Variants in STXBP4 observed in about 807,000 individuals in gnomAD.
The protein encoded by STXBP4 is syntaxin-binding protein 4.
In STXBP4, 55 loss-of-function variants were observed where a neutral mutation model predicts 76.1. The ratio of observed to expected loss-of-function variants is 0.72; its 90% CI spans 0.58 to 0.91. The LOEUF is 0.91. STXBP4 is among the 40% of genes least tolerant of loss of function. The pLI, the probability that STXBP4 is intolerant of heterozygous loss-of-function variation, is 0.00. For missense variants in STXBP4, 618 were observed against 636.9 expected, an observed-to-expected ratio of 0.97 and a Z score of 0.32; for synonymous variants, 201 against 220.2, an observed-to-expected ratio of 0.91 and a Z score of 0.77.
intron 16 of STXBP4, among the ~76,000 whole-genome samples, chr17:55,109,909 G>A (rs1001953294): frequency 6.6e-6 from 1 of 152,116 alleles, no homozygotes; most frequent in African/African-American, 2.4e-5. Flanking sequence ...AAAGTGCTGG[G>A]ATTACAGGTG....
intron 16 of STXBP4, among the ~76,000 whole-genome samples, chr17:55,135,435 C>T: frequency 6.6e-6 from 1 of 151,972 alleles, no homozygotes; most frequent in Non-Finnish European, 1.5e-5. Context: ...GATCCAAAAT[C>T]ATGTTTGTTA....
At chr17:55,198,666 T>G in the STXBP4 span, among the ~76,000 whole-genome samples, 7 of 152,212 alleles carry the variant, frequency 4.6e-5, no homozygotes, top group Non-Finnish European at 8.8e-5. Flanking sequence ...GAAGCAGATC[T>G]GATATAAAAT....
rs549233179 is a variant in STXBP4 at position 54,972,105 on chromosome 17, G to A, written c.-157+3290G>A. Among the ~76,000 whole-genome samples, 401 of 152,306 alleles carry A rather than the reference G, an allele frequency of 2.6e-3. 2 individuals are homozygous for A. Among genetic ancestry groups the A allele is most frequent in the African/African-American group, 9.0e-3 (375 of 41,564 alleles). Reference sequence around the variant, plus strand: ...GCATCACATGATCTCAATTTATTCCGTGGTTTCATGATGTTAACTTCTGTT... The same window carrying A: ...GCATCACATGATCTCAATTTATTCCATGGTTTCATGATGTTAACTTCTGTT... On this transcript the variant is annotated intron_variant, in intron 1 of 17. Transcript: ENST00000376352.
intron 8 of STXBP4, among the ~76,000 whole-genome samples, chr17:55,009,343 T>C (rs768618073): frequency 2.6e-5 from 4 of 152,216 alleles, no homozygotes; most frequent in Non-Finnish European, 4.4e-5. Context: ...TGAATAATTA[T>C]TCAATGATAT....
chr17:55,193,899 G>A, the STXBP4 span, among the ~76,000 whole-genome samples: 1 of 150,346 alleles, frequency 6.7e-6, no homozygotes, highest in Non-Finnish European at 1.5e-5. Context: ...ATCTCAGGAA[G>A]AAGAAGCATT....
Position 55,165,134 on chromosome 17 carries a change from T to C in STXBP4, c.*5223T>C, listed in dbSNP as rs2080370154. The C allele has an allele frequency of 6.6e-6, 1 of 152,234 alleles. No homozygotes were observed. Among genetic ancestry groups the C allele is most frequent in the Non-Finnish European group, 1.5e-5 (1 of 68,048 alleles). 9.4% of individuals were successfully genotyped at this position (152,234 alleles called of 1,614,324 possible). A position where few individuals can be genotyped will look rare whatever the true frequency, so the allele number is the denominator to read the frequency against. ...TATCAGAAAGCAGAAAAAAGCATGTTCTTTTGCATTTCAAAAATTTAGCTC... is the reference window on the plus strand; with the variant it reads ...TATCAGAAAGCAGAAAAAAGCATGTCCTTTTGCATTTCAAAAATTTAGCTC... On this transcript the variant is annotated 3_prime_UTR_variant, in exon 18 of 18. Coordinates refer to ENST00000376352, the MANE Select transcript of STXBP4 (RefSeq NM_178509.6).
At chr17:55,114,909 T>A (rs753873316) in intron 16 of STXBP4, among the ~76,000 whole-genome samples, 1 of 151,950 alleles carries the variant, frequency 6.6e-6, no homozygotes, top group South Asian at 2.1e-4. Context: ...TTGCAATTAC[T>A]CTCCTGAATT....
Position 55,168,482 on chromosome 17 carries a change from A to C in STXBP4, c.*8571A>C, listed in dbSNP as rs560688825. On this transcript the variant is annotated 3_prime_UTR_variant, in exon 18 of 18. Transcript: ENST00000376352. ...ATTCCCAATTAGTATTTCATCAGTT[A>C]TAAGACCCATCATTATTTTGTGTGT... The C allele has an allele frequency of 2.6e-5, 4 of 152,262 alleles. No homozygotes were observed. Among genetic ancestry groups the C allele is most frequent in the Non-Finnish European group, 4.4e-5 (3 of 67,992 alleles). The allele number at this position is 152,262 out of a possible 1,614,324, so 9.4% of individuals were successfully genotyped here. A position where few individuals can be genotyped will look rare whatever the true frequency, so the allele number is the denominator to read the frequency against.
chr17:54,990,011 A>T (rs768313898), intron 3 of STXBP4, among the ~76,000 whole-genome samples: 1 of 152,256 alleles, frequency 6.6e-6, no homozygotes, highest in Non-Finnish European at 1.5e-5. Flanking sequence ...CAAGTAGTCT[A>T]ATAACCAGGT....
chr17:54,989,735 A>T (rs944676195), intron 3 of STXBP4, among the ~76,000 whole-genome samples: 2 of 152,198 alleles, frequency 1.3e-5, no homozygotes, highest in African/African-American at 4.8e-5. Flanking sequence ...GACCAGTAAA[A>T]GTCTCTGGTC....
chr17:55,148,490 G>A (rs2080180608), intron 17 of STXBP4, among the ~76,000 whole-genome samples: 1 of 152,046 alleles, frequency 6.6e-6, no homozygotes, highest in Non-Finnish European at 1.5e-5. Flanking sequence ...AAATTTAAAG[G>A]GTACTACTTT....
At chr17:55,190,871 A>G in the STXBP4 span, among the ~76,000 whole-genome samples, 2 of 152,212 alleles carry the variant, frequency 1.3e-5, no homozygotes, top group Admixed American at 1.3e-4. Context: ...AAAAATACAC[A>G]CTTCATCTGC....
At chr17:55,185,245 T>TCTC in the STXBP4 span, among the ~76,000 whole-genome samples, 19 of 57,968 alleles carry the variant, frequency 3.3e-4, no homozygotes, top group African/African-American at 1.1e-3. Flanking sequence ...TTCTTCTTCT[T>TCTC]CTTCTCCTTC....
intron 12 of STXBP4, among the ~76,000 whole-genome samples, chr17:55,063,840 G>A (rs897618791): frequency 6.6e-6 from 1 of 152,140 alleles, no homozygotes; most frequent in African/African-American, 2.4e-5. Context: ...TTATTCAGTT[G>A]CTAAGAGAAC....
At chr17:55,081,682 T>C (rs1465407081) in intron 16 of STXBP4, among the ~76,000 whole-genome samples, 1 of 152,130 alleles carries the variant, frequency 6.6e-6, no homozygotes, top group African/African-American at 2.4e-5. Context: ...AGCAGGGTAA[T>C]TAATTAAATG....
the STXBP4 span, among the ~76,000 whole-genome samples, chr17:55,191,361 G>C: frequency 6.6e-6 from 1 of 152,106 alleles, no homozygotes; most frequent in African/African-American, 2.4e-5. Context: ...TGCATTTCCA[G>C]CTCTGTGACA....
chr17:55,200,297 C>T, the STXBP4 span, among the ~76,000 whole-genome samples: 3 of 152,140 alleles, frequency 2.0e-5, no homozygotes, highest in East Asian at 3.8e-4. Flanking sequence ...TGTGGCCATA[C>T]CATGCTTTGT....
intron 11 of STXBP4, among the ~76,000 whole-genome samples, chr17:55,046,373 T>G (rs2078788433): frequency 6.6e-6 from 1 of 151,954 alleles, no homozygotes; most frequent in African/African-American, 2.4e-5. Context: ...AACATTGTAA[T>G]ATTGCCATGA....
chr17:55,073,949 A>AT (rs908512909), intron 13 of STXBP4, among the ~76,000 whole-genome samples: 18 of 151,538 alleles, frequency 1.2e-4, no homozygotes, highest in Admixed American at 5.3e-4. Flanking sequence ...TTTTTATGCA[A>AT]TTTTTTTTTA....
Sources: gnomAD v4.1 joint callset for allele counts (sites outside exome capture counted in the v4.1 genomes callset) on GRCh38, gnomAD v4.1.1 for gene constraint, MANE v1.5 for transcripts, NCBI Gene and HGNC (gene_info 2026-07-23, HGNC 2026-07-21) for gene names.